SCLT1: variants seen among roughly 807,000 people sequenced by gnomAD.
SCLT1 encodes the protein sodium channel and clathrin linker 1, also known as sodium channel-associated protein 1.
In SCLT1, 78 loss-of-function variants were observed where a neutral mutation model predicts 112.8. The ratio of observed to expected loss-of-function variants is 0.69; its 90% CI spans 0.58 to 0.83. The LOEUF is 0.83. Among genes scored for constraint, SCLT1 ranks in the 40% least tolerant of loss-of-function variants. SCLT1 has a pLI of 0.00. For missense variants in SCLT1, 747 were observed against 770.4 expected (o/e 0.97, Z 0.36); for synonymous variants, 257 against 254.7 (o/e 1.01, Z -0.09).
chr4:129,066,865 G>A (rs1750532415), intron 2 of SCLT1, among the ~76,000 whole-genome samples: 2 of 152,172 alleles, frequency 1.3e-5, no homozygotes, highest in South Asian at 4.2e-4. Flanking sequence ...ATTAAAGCAT[G>A]AATAGTATTG....
chr4:128,887,932 A>G (rs896603643), intron 20 of SCLT1, among the ~76,000 whole-genome samples: 1 of 152,216 alleles, frequency 6.6e-6, no homozygotes, highest in Non-Finnish European at 1.5e-5. Context: ...AAGCAATATT[A>G]TCTACTTTCA....
At chr4:128,990,818 G>T (rs1284202137) in intron 9 of SCLT1, among the ~76,000 whole-genome samples, 1 of 142,162 alleles carries the variant, frequency 7.0e-6, no homozygotes, top group Non-Finnish European at 1.5e-5. Context: ...AAACAAGAAA[G>T]TAATCCCATT....
At chr4:128,996,698 A>C (rs755511271) in intron 8 of SCLT1, among the ~76,000 whole-genome samples, 1 of 151,432 alleles carries the variant, frequency 6.6e-6, no homozygotes, top group Non-Finnish European at 1.5e-5. Context: ...TTTTTATAAA[A>C]CTCTCTTTTA....
At chr4:128,981,729 C>G (rs1210203538) in intron 9 of SCLT1, among the ~76,000 whole-genome samples, 7 of 148,874 alleles carry the variant, frequency 4.7e-5, no homozygotes, top group African/African-American at 1.7e-4. Context: ...TAAAACTCTG[C>G]TCTCCCACAA....
intron 5 of SCLT1, among the ~76,000 whole-genome samples, chr4:129,035,040 A>C (rs1747062635): frequency 6.6e-6 from 1 of 152,166 alleles, no homozygotes; most frequent in Non-Finnish European, 1.5e-5. Context: ...CAAAGCCTTA[A>C]ATGGTGCCTG....
chr4:129,005,895 T>A (rs1382465607), intron 5 of SCLT1, among the ~76,000 whole-genome samples: 5 of 151,160 alleles, frequency 3.3e-5, no homozygotes, highest in African/African-American at 4.9e-5. Context: ...AAATCATCAC[T>A]CTCAGTAAAC....
At chr4:128,988,787 G>A (rs758924756) in intron 9 of SCLT1, among the ~76,000 whole-genome samples, 3 of 151,850 alleles carry the variant, frequency 2.0e-5, no homozygotes, top group Non-Finnish European at 4.4e-5. Context: ...AATGGAAAAA[G>A]ACAGTCCATG....
At chr4:128,903,787 G>A (rs1041543795) in intron 18 of SCLT1, among the ~76,000 whole-genome samples, 1 of 152,210 alleles carries the variant, frequency 6.6e-6, no homozygotes, top group African/African-American at 2.4e-5. Context: ...TCTCTGTCAG[G>A]ATGTTTCATT....
At chr4:129,090,408 G>A (rs1561076071) in intron 1 of SCLT1, among the ~76,000 whole-genome samples, 1 of 152,170 alleles carries the variant, frequency 6.6e-6, no homozygotes, top group African/African-American at 2.4e-5. Flanking sequence ...TCCAATGCAA[G>A]AAAGTGGCCT....
At chr4:128,918,938 G>A (rs1390272366) in intron 18 of SCLT1, among the ~76,000 whole-genome samples, 1 of 152,142 alleles carries the variant, frequency 6.6e-6, no homozygotes, top group Non-Finnish European at 1.5e-5. Flanking sequence ...CAAATTCTTA[G>A]AGACCTACAA....
At chr4:128,952,457 C>G (rs1738838540) in intron 14 of SCLT1, 1 of 494,636 alleles carries the variant, frequency 2.0e-6, no homozygotes, top group Non-Finnish European at 3.9e-6. Flanking sequence ...TATATACTTT[C>G]TCTTTCTCCT....
chr4:129,080,769 C>T lies in SCLT1; in HGVS notation c.102+1537G>A, dbSNP rs76163685. On this transcript the variant is annotated intron_variant, in intron 2 of 20. Coordinates refer to ENST00000281142, the MANE Select transcript of SCLT1 (RefSeq NM_144643.4). ...TTATACCAATGCCCATTCACTGGTA[C>T]AAATTTTCTATATCAGTCCATTCTC... 1.1e-3 allele frequency among the ~76,000 whole-genome samples: 163 copies of T among 152,272 alleles called. 6 individuals carry two copies. In the East Asian group the frequency reaches 0.03, roughly 28 times the overall value.
intron 9 of SCLT1, among the ~76,000 whole-genome samples, chr4:128,978,744 T>A (rs1741399710): frequency 6.6e-6 from 1 of 152,068 alleles, no homozygotes; most frequent in African/African-American, 2.4e-5. Flanking sequence ...TGAGGAGTCA[T>A]CAGGGAGGTC....
chr4:129,012,841 C>CT (rs974950412), intron 5 of SCLT1, among the ~76,000 whole-genome samples: 8 of 150,692 alleles, frequency 5.3e-5, no homozygotes, highest in African/African-American at 1.7e-4. Context: ...GTAACCCCTA[C>CT]TTTTTTTCTG....
chr4:129,039,177 C>A, intron 4 of SCLT1, 81 bp from the exon 5 acceptor site: 1 of 787,644 alleles, frequency 1.3e-6, no homozygotes, highest in South Asian at 1.5e-5. Context: ...CGTAAGCAAT[C>A]AGATTCTGAC....
intron 12 of SCLT1, among the ~76,000 whole-genome samples, chr4:128,958,939 C>T (rs953382237): frequency 1.3e-5 from 2 of 152,026 alleles, no homozygotes; most frequent in Admixed American, 6.6e-5. Flanking sequence ...CCTTTGTACC[C>T]GTATTCTGCA....
intron 13 of SCLT1, among the ~76,000 whole-genome samples, chr4:128,956,457 G>A (rs1739221810): frequency 6.6e-6 from 1 of 151,992 alleles, no homozygotes; most frequent in African/African-American, 2.4e-5. Context: ...GTTTACTTTG[G>A]ACTCTGCCTT....
intron 11 of SCLT1, among the ~76,000 whole-genome samples, chr4:128,964,600 G>A (rs1365221484): frequency 6.6e-6 from 1 of 152,152 alleles, no homozygotes; most frequent in Non-Finnish European, 1.5e-5. Flanking sequence ...AGGATTTATG[G>A]TTCATGATTC....
intron 4 of SCLT1, among the ~76,000 whole-genome samples, chr4:129,042,900 C>A (rs1245767917): frequency 1.3e-5 from 2 of 151,950 alleles, no homozygotes; most frequent in Non-Finnish European, 2.9e-5. Flanking sequence ...TGGTGAAACT[C>A]CATCTCTACT....
Sources: gnomAD v4.1 joint callset for allele counts (sites outside exome capture counted in the v4.1 genomes callset) on GRCh38, gnomAD v4.1.1 for gene constraint, MANE v1.5 for transcripts, NCBI Gene and HGNC (gene_info 2026-07-23, HGNC 2026-07-21) for gene names.